DNMT3A: variants seen among roughly 807,000 people sequenced by gnomAD.
DNMT3A encodes DNA methyltransferase 3 alpha.
In DNMT3A, 267 loss-of-function variants were observed where a neutral mutation model predicts 117.6. That is an observed-to-expected ratio of 2.27 (90% CI 2.05 to 2.51). DNMT3A has a LOEUF of 2.51. Among genes scored for constraint, DNMT3A ranks in the 30% most tolerant of loss-of-function variants. The probability of loss-of-function intolerance (pLI) is 0.00; values close to 1 mark genes in which losing one functional copy is unlikely to be tolerated. For synonymous variants in DNMT3A, 432 were observed against 474.8 expected (o/e 0.91, Z 1.17); for missense variants, 1,029 against 1,260.2 (o/e 0.82, Z 2.78).
rs767569696 is a variant in DNMT3A, at chr2:25,247,199, T to C, written c.1015-41A>G. On this transcript the variant is annotated intron_variant, in intron 8 of 22. Coordinates refer to ENST00000321117, the MANE Select transcript of DNMT3A (RefSeq NM_022552.5). This position sits in a 1 kb window ranked among gnomAD's most constrained non-coding sequence, Gnocchi z 5.6. Reference sequence around the variant, plus strand: ...AGGCCTTGTTTGCCGAGGCTTACACTTGCAAGCACCCACCCCATGCCTTGC... The same window carrying C: ...AGGCCTTGTTTGCCGAGGCTTACACCTGCAAGCACCCACCCCATGCCTTGC... 6.3e-7 allele frequency: 1 copy of C among 1,595,402 alleles called. No individual in the cohort carries two copies. Among genetic ancestry groups the C allele is most frequent in the Admixed American group, 1.7e-5 (1 of 58,704 alleles).
rs1674098731 is a variant in DNMT3A, at chr2:25,241,829, T to C, written c.1937-122A>G. 6.2e-6 allele frequency: 8 copies of C among 1,298,062 alleles called. No homozygotes were observed. In the East Asian group the frequency reaches 1.3e-4, roughly 21 times the overall value. The allele number at this position is 1,298,062 out of a possible 1,614,324, so 80.4% of individuals were successfully genotyped here. On this transcript the variant is annotated intron_variant, in intron 16 of 22. Coordinates refer to ENST00000321117, the MANE Select transcript of DNMT3A (RefSeq NM_022552.5). ...CAGCTGTAGGCCCAAGTCCTATCTT[T>C]TCCCTGAAGATGCCTTAAATCCTTT...
chr2:25,242,450 C>T (rs916279380), intron 16 of DNMT3A, among the ~76,000 whole-genome samples: 1 of 152,160 alleles, frequency 6.6e-6, no homozygotes, highest in Admixed American at 6.5e-5. Flanking sequence ...CAACATGTCC[C>T]CCAGCCAAGG....
chr2:25,319,884 C>G (rs573049662), intron 1 of DNMT3A, among the ~76,000 whole-genome samples: 2 of 152,112 alleles, frequency 1.3e-5, no homozygotes, highest in African/African-American at 4.8e-5. Flanking sequence ...ATTCTCTTGC[C>G]TCAGCCTCAC....
chr2:25,269,464 A>C (rs1558693388), intron 6 of DNMT3A, among the ~76,000 whole-genome samples: 1 of 152,246 alleles, frequency 6.6e-6, no homozygotes, highest in Non-Finnish European at 1.5e-5. Context: ...GGACTGGGGA[A>C]ATCACAGCAG....
rs752297775 is a variant in DNMT3A at position 25,247,031 on chromosome 2, C to T, written c.1122+20G>A. ...TAGTGCTCTAGGCTCCTCCTCCGAGCTCCCAGCAGGGACACTCACCTGCAG... is the reference window on the plus strand; with the variant it reads ...TAGTGCTCTAGGCTCCTCCTCCGAGTTCCCAGCAGGGACACTCACCTGCAG... On this transcript the variant is annotated intron_variant, in intron 9 of 22. Coordinates refer to ENST00000321117, the MANE Select transcript of DNMT3A (RefSeq NM_022552.5). This position sits in a 1 kb window ranked among gnomAD's most constrained non-coding sequence, Gnocchi z 5.6. 1.2e-6 allele frequency: 2 copies of T among 1,610,880 alleles called. No individual in the cohort carries two copies. The highest frequency in any genetic ancestry group is 1.7e-6 in the Non-Finnish European group (2 of 1,178,344).
rs2033249977 is a variant in DNMT3A at position 25,298,872 on chromosome 2, G to A, written c.177+1267C>T. ...GCCCCCCGCCTCAAATCTTCAGGCA[G>A]AACTGGCAGGGGTGCATCTCAGTAC... On this transcript the variant is annotated intron_variant, in intron 3 of 22. Coordinates refer to ENST00000321117, the MANE Select transcript of DNMT3A (RefSeq NM_022552.5). This position sits in a 1 kb window ranked among gnomAD's most constrained non-coding sequence, Gnocchi z 4.3. 6.6e-6 allele frequency among the ~76,000 whole-genome samples: 1 copy of A among 151,888 alleles called. No individual in the cohort carries two copies. The highest frequency in any genetic ancestry group is 1.5e-5 in the Non-Finnish European group (1 of 67,964).
chr2:25,268,099 G>A (rs1470758161), intron 6 of DNMT3A, among the ~76,000 whole-genome samples: 2 of 152,196 alleles, frequency 1.3e-5, no homozygotes, highest in Admixed American at 6.5e-5. Flanking sequence ...TGGGCGGAGG[G>A]AGTGGGTTGT....
In DNMT3A at chr2:25,327,265, T is replaced by A. The variant is rs1391039458; in HGVS notation, c.-177-13104A>T. Among the ~76,000 whole-genome samples, 1 of 152,214 alleles carries A rather than the reference T, an allele frequency of 6.6e-6. No individual in the cohort carries two copies. The highest frequency in any genetic ancestry group is 6.5e-5 in the Admixed American group (1 of 15,282). On this transcript the variant is annotated intron_variant, in intron 1 of 22. Transcript: ENST00000321117. The surrounding 1 kb of genome is among the most constrained non-coding windows in gnomAD (Gnocchi z 4.1). ...GAAACTTTCCTTGTTCCAATCACCA[T>A]GTGGTTTCTGTCTTCTGAATGGACC...
At chr2:25,287,720 A>G (rs2032414865) in intron 3 of DNMT3A, among the ~76,000 whole-genome samples, 1 of 134,812 alleles carries the variant, frequency 7.4e-6, no homozygotes, top group Non-Finnish European at 1.7e-5. Context: ...ACCCCACCAG[A>G]CAGAGGACAC....
chr2:25,314,034 G>C lies in DNMT3A; in HGVS notation c.-50C>G, dbSNP rs1462423507. The C allele has an allele frequency of 6.7e-7, 1 of 1,486,418 alleles. No homozygotes were observed. Among genetic ancestry groups the C allele is most frequent in the Non-Finnish European group, 8.9e-7 (1 of 1,119,748 alleles). 92.1% of individuals were successfully genotyped at this position (1,486,418 alleles called of 1,614,324 possible). A position where few individuals can be genotyped will look rare whatever the true frequency, so the allele number is the denominator to read the frequency against. Reference sequence around the variant, plus strand: ...GCTGCGCGGGGCTGGGGGGCTGCTGGGCTTTGGGGAAGGAATTATCGTGGT... The same window carrying C: ...GCTGCGCGGGGCTGGGGGGCTGCTGCGCTTTGGGGAAGGAATTATCGTGGT... On this transcript the variant is annotated 5_prime_UTR_variant, in exon 2 of 23. Transcript: ENST00000321117.
At chr2:25,250,883 T>C (rs1263389254) in intron 6 of DNMT3A, among the ~76,000 whole-genome samples, 1 of 152,108 alleles carries the variant, frequency 6.6e-6, no homozygotes. Context: ...TGGGCTGGGC[T>C]CCTCCTCTGG....
chr2:25,238,916 CT>C (rs1361015020), intron 20 of DNMT3A, among the ~76,000 whole-genome samples: 1 of 152,240 alleles, frequency 6.6e-6, no homozygotes, highest in Non-Finnish European at 1.5e-5. Flanking sequence ...AAAGGTCCTG[CT>C]TTAAGACCAC....
At chr2:25,303,148 G>A (rs991710715) in intron 2 of DNMT3A, among the ~76,000 whole-genome samples, 15 of 152,246 alleles carry the variant, frequency 9.9e-5, no homozygotes, top group African/African-American at 3.6e-4. Context: ...TTAACAAGCT[G>A]CATTTGTGAC....
rs777306476 is a variant in DNMT3A, at chr2:25,247,730, A to G, written c.875T>C (p.Ile292Thr). The G allele has an allele frequency of 4.3e-6, 7 of 1,612,666 alleles. No individual in the cohort carries two copies. The highest frequency in any genetic ancestry group is 5.9e-6 in the Non-Finnish European group (7 of 1,179,958). The change falls in exon 8 of 23, where the codon ATT (isoleucine) becomes ACT (threonine). Residue 292 changes from isoleucine to threonine, a missense_variant. Transcript: ENST00000321117. The surrounding 1 kb of genome is among the most constrained non-coding windows in gnomAD (Gnocchi z 5.6). ...CAGTTTCCCCCACACCAGCTCCCCAATGCCAAAGCCCCGGCCGTCCTGGAG... is the reference window on the plus strand; with the variant it reads ...CAGTTTCCCCCACACCAGCTCCCCAGTGCCAAAGCCCCGGCCGTCCTGGAG... ...PEYEDGRGFG[I>T]GELVWGKLRG...
chr2:25,301,657 C>G (rs1470153619), intron 2 of DNMT3A, among the ~76,000 whole-genome samples: 1 of 152,202 alleles, frequency 6.6e-6, no homozygotes, highest in African/African-American at 2.4e-5. Context: ...CAGCTGGGCT[C>G]TGGCATGACT....
chr2:25,295,186 C>G (rs1239723121), intron 3 of DNMT3A, among the ~76,000 whole-genome samples: 1 of 152,172 alleles, frequency 6.6e-6, no homozygotes, highest in Non-Finnish European at 1.5e-5. Flanking sequence ...CACTTGTCAC[C>G]CTGCAACATC....
rs779698294 is a variant in DNMT3A at position 25,328,736 on chromosome 2, G to A, written c.-178+13090C>T. 22 of 497,906 alleles carry A rather than the reference G, an allele frequency of 4.4e-5. No homozygotes were observed. The East Asian group carries it at 1.1e-3, about 25-fold the overall frequency. 30.8% of individuals were successfully genotyped at this position (497,906 alleles called of 1,614,324 possible). A position where few individuals can be genotyped will look rare whatever the true frequency, so the allele number is the denominator to read the frequency against. On this transcript the variant is annotated intron_variant, in intron 1 of 22. Coordinates refer to ENST00000321117, the MANE Select transcript of DNMT3A (RefSeq NM_022552.5). ...CCCCACAATCCCCATTCTAGGGGTCGCTTGGCAGAGCCCCCAAGGCACTGC... is the reference window on the plus strand; with the variant it reads ...CCCCACAATCCCCATTCTAGGGGTCACTTGGCAGAGCCCCCAAGGCACTGC...
At chr2:25,329,616 C>T (rs1043060587) in intron 1 of DNMT3A, among the ~76,000 whole-genome samples, 1 of 150,674 alleles carries the variant, frequency 6.6e-6, no homozygotes, top group Admixed American at 6.6e-5. Context: ...AATGTATTTA[C>T]CAGAGAATGT....
At chr2:25,275,268 G>A (rs2031303554) in intron 5 of DNMT3A, among the ~76,000 whole-genome samples, 181 bp from the exon 6 acceptor site, 1 of 152,206 alleles carries the variant, frequency 6.6e-6, no homozygotes, top group South Asian at 2.1e-4. Flanking sequence ...GGGTGGGGGG[G>A]CACATGGACA....
Sources: allele counts gnomAD v4.1 joint callset (sites outside exome capture counted in the v4.1 genomes callset), GRCh38; gene constraint gnomAD v4.1.1; non-coding constraint Gnocchi (gnomAD v3.1); transcripts MANE v1.5; gene names NCBI Gene and HGNC (gene_info 2026-07-23, HGNC 2026-07-21).